The following PKD1 variants were observed in gnomAD, a reference collection of about 807,000 sequenced individuals.
PKD1 encodes polycystin-1.
Under a neutral mutation model 361.7 loss-of-function variants are expected in PKD1, and 81 were observed. That is an observed-to-expected ratio of 0.22 (90% CI 0.19 to 0.27). The LOEUF is 0.27. PKD1 is among the 10% of genes least tolerant of loss of function. The pLI is 1.00. For synonymous variants in PKD1, 3,615 were observed against 2,818.3 expected (o/e 1.28, Z -8.95); for missense variants, 6,399 against 6,118.3 (o/e 1.05, Z -1.53).
intron 34 of PKD1, chr16:2,096,809 G>A (rs2091866698): frequency 8.5e-6 from 3 of 354,408 alleles, no homozygotes; most frequent in Non-Finnish European, 1.6e-5. Context: ...GAGCCACCGC[G>A]CCCGGCCAAA....
Position 2,099,660 on chromosome 16 carries a change from C to T in PKD1, c.10034G>A (p.Arg3345Gln), listed in dbSNP as rs956410708. ...CCAGCCCACCTTGCTCCGGGACATC[C>T]GGAAGAGAAAAAGGATGGCCAGGTA... Reference protein sequence around the residue: ...PVYLAILFLFRMSRSKVAGSP... With the variant: ...PVYLAILFLFQMSRSKVAGSP... Residue 3345 changes from arginine to glutamine, a missense_variant, in exon 30 of 46, where the codon CGG becomes CAG. Arg to Gln is a conservative substitution (Grantham distance 43). Coordinates refer to ENST00000262304, the MANE Select transcript of PKD1 (RefSeq NM_001009944.3). The T allele has an allele frequency of 6.9e-6, 11 of 1,592,746 alleles. No homozygotes were observed. Among genetic ancestry groups the T allele is most frequent in the Admixed American group, 1.7e-5 (1 of 59,526 alleles).
At chr16:2,121,931 C>T (rs2549673) in intron 1 of PKD1, among the ~76,000 whole-genome samples, 6 of 152,224 alleles carry the variant, frequency 3.9e-5, no homozygotes, top group Admixed American at 6.5e-5. Context: ...CAAGCCGGGG[C>T]GGCCTCCATC....
rs555453899 is a variant in PKD1, at chr16:2,089,376, C to A, written c.*351G>T. 637 of 399,422 alleles carry A rather than the reference C, an allele frequency of 1.6e-3. 2 individuals are homozygous for A. Among genetic ancestry groups the A allele is most frequent in the African/African-American group, 0.012 (592 of 49,662 alleles). 24.7% of individuals were successfully genotyped at this position (399,422 alleles called of 1,614,324 possible). A position where few individuals can be genotyped will look rare whatever the true frequency, so the allele number is the denominator to read the frequency against. On this transcript the variant is annotated 3_prime_UTR_variant, in exon 46 of 46. Transcript: ENST00000262304. ...AGGGTGGCGGCGGTGCAGGCTAACCCTCCCTGAAGCCAGCAGCCTTAGCAG... is the reference window on the plus strand; with the variant it reads ...AGGGTGGCGGCGGTGCAGGCTAACCATCCCTGAAGCCAGCAGCCTTAGCAG...
chr16:2,111,548 G>C lies in PKD1; in HGVS notation c.3619C>G (p.Arg1207Gly), dbSNP rs777331724. The C allele has an allele frequency of 6.3e-7, 1 of 1,593,984 alleles. No individual in the cohort carries two copies. Among genetic ancestry groups the C allele is most frequent in the Non-Finnish European group, 8.5e-7 (1 of 1,171,348 alleles). ...VSGAAAQADV[R>G]VFEELRGLSV... ...AGTCCGCGGAGCTCCTCAAAGACGCGCACATCCGCCTGGGCCGCCGCACCG... is the reference window on the plus strand; with the variant it reads ...AGTCCGCGGAGCTCCTCAAAGACGCCCACATCCGCCTGGGCCGCCGCACCG... The change falls in exon 15 of 46, where the codon CGC becomes GGC. Residue 1207 changes from arginine (R) to glycine (G), a missense_variant. Physicochemically the swap from Arg to Gly is moderately radical, Grantham distance 125. Coordinates refer to ENST00000262304, the MANE Select transcript of PKD1 (RefSeq NM_001009944.3).
rs375951541 is a variant in PKD1 at position 2,102,806 on chromosome 16, G to C, written c.8948+8C>G. 1 of 1,609,862 alleles carries C rather than the reference G, an allele frequency of 6.2e-7. No homozygotes were observed. The stretch of plus-strand genomic sequence containing the variant: ...CCCTGCCCTGCCAGGCTGGCCCGCA[G>C]AGCTCACCCCGGGGAAATGAAGAAG... On this transcript the variant is annotated splice_region_variant and intron_variant, in intron 24 of 45. Transcript: ENST00000262304.
Position 2,106,063 on chromosome 16 carries a change from G to A in PKD1, c.7703+28C>T, listed in dbSNP as rs201247523. On this transcript the variant is annotated intron_variant, in intron 19 of 45. Coordinates refer to ENST00000262304, the MANE Select transcript of PKD1 (RefSeq NM_001009944.3). This position sits in a 1 kb window ranked among gnomAD's most constrained non-coding sequence, Gnocchi z 6.5. ...GGGGTGGTGAGCAGGTGGCAGTCTC[G>A]GGGGCGCCCTCCCACGGCCTGGCTC... is the stretch of plus-strand genomic sequence containing the variant. 3.2e-5 allele frequency: 51 copies of A among 1,606,166 alleles called. No individual in the cohort carries two copies. The highest frequency in any genetic ancestry group is 2.3e-4 in the Middle Eastern group (1 of 4,416).
rs1240952631 is a variant in PKD1 at position 2,106,045 on chromosome 16, T to C, written c.7704-21A>G. 6.2e-7 allele frequency: 1 copy of C among 1,606,646 alleles called. No homozygotes were observed. The highest frequency in any genetic ancestry group is 8.5e-7 in the Non-Finnish European group (1 of 1,178,704). On this transcript the variant is annotated intron_variant, in intron 19 of 45. Coordinates refer to ENST00000262304, the MANE Select transcript of PKD1 (RefSeq NM_001009944.3). The surrounding 1 kb of genome is among the most constrained non-coding windows in gnomAD (Gnocchi z 6.5). The stretch of plus-strand genomic sequence containing the variant: ...AAGACCTACGAGCAGAGGGGGGTGG[T>C]GAGCAGGTGGCAGTCTCGGGGGCGC...
At position 2,088,791 on chromosome 16, in the gene PKD1, CCACAGAAGTGGTA is replaced by C. The variant is rs2091255284; in HGVS notation, c.*923_*935del. ...GTCGAGGCTCTAGAAGCGGCCATGC[CCACAGAAGTGGTA>C]CACAGAAGCAGGCACAGCCAGCTCC... On this transcript the variant is annotated 3_prime_UTR_variant, in exon 46 of 46. Coordinates refer to ENST00000262304, the MANE Select transcript of PKD1 (RefSeq NM_001009944.3). The C allele has an allele frequency of 8.5e-6, 7 of 821,536 alleles. No homozygotes were observed. Among genetic ancestry groups the C allele is most frequent in the South Asian group, 3.6e-5 (2 of 55,902 alleles). The allele number at this position is 821,536 out of a possible 1,614,324, so 50.9% of individuals were successfully genotyped here. A position where few individuals can be genotyped will look rare whatever the true frequency, so the allele number is the denominator to read the frequency against.
intron 23 of PKD1, 145 bp from the exon 24 acceptor site, chr16:2,103,115 G>A (rs575280269): frequency 7.8e-5 from 99 of 1,268,966 alleles, no homozygotes; most frequent in African/African-American, 4.7e-4. Context: ...CTGCTTCTCC[G>A]TGGCCCCCAG....
intron 11 of PKD1, chr16:2,113,912 G>A (rs926415386): frequency 8.8e-6 from 5 of 566,924 alleles, no homozygotes; most frequent in East Asian, 3.0e-5. Context: ...GTGAGGTCAG[G>A]GAGCAGAGTT....
rs62038819 is a variant in PKD1, at chr16:2,106,598, C to T, written c.7289G>A (p.Arg2430Gln). ...TTTSTGSAGM[R>Q]LVLRRGVLRD... Reference sequence around the variant, plus strand: ...CAGCACGCCCCGCCGCAGCACCAGTCGCATGCCTGCACTGCCCGTGGATGT... The same window carrying T: ...CAGCACGCCCCGCCGCAGCACCAGTTGCATGCCTGCACTGCCCGTGGATGT... Residue 2430 changes from arginine to glutamine, a missense_variant, in exon 18 of 46, where the codon CGA (arginine) becomes CAA (glutamine). By Grantham distance (43) the Arg-to-Gln change is conservative (BLOSUM62 1). Coordinates refer to ENST00000262304, the MANE Select transcript of PKD1 (RefSeq NM_001009944.3). The surrounding 1 kb of genome is among the most constrained non-coding windows in gnomAD (Gnocchi z 6.5). 2.3e-5 allele frequency: 37 copies of T among 1,598,286 alleles called. No homozygotes were observed. Among genetic ancestry groups the T allele is most frequent in the Middle Eastern group, 2.2e-4 (1 of 4,450 alleles).
At chr16:2,121,037 AAAAG>A (rs1481413820) in intron 1 of PKD1, among the ~76,000 whole-genome samples, 2 of 151,884 alleles carry the variant, frequency 1.3e-5, no homozygotes, top group African/African-American at 2.4e-5. Flanking sequence ...AAAAGAAAAG[AAAAG>A]AAAGAAAGGG....
In PKD1 at chr16:2,091,438, C is replaced by T; in HGVS notation, c.11697G>A (p.Leu3899=). Residue 3899 remains leucine, a synonymous_variant, in exon 42 of 46, where the codon CTG becomes CTA. Transcript: ENST00000262304. ...ACGGGCGTACCGAGGTGAGCAGAGG[C>T]AGCGAGAGGCCCGCGCTGAGGCGGC... ...ALRRLSAGLS[L]PLLTSVCLLL... 1.7e-6 allele frequency: 2 copies of T among 1,190,506 alleles called. No individual in the cohort carries two copies. The highest frequency in any genetic ancestry group is 1.0e-6 in the Non-Finnish European group (1 of 959,520). 73.7% of individuals were successfully genotyped at this position (1,190,506 alleles called of 1,614,324 possible). A position where few individuals can be genotyped will look rare whatever the true frequency, so the allele number is the denominator to read the frequency against.
Position 2,108,645 on chromosome 16 carries a change from G to A in PKD1, c.6522C>T (p.Asp2174=), listed in dbSNP as rs770229371. The change falls in exon 15 of 46, where the codon GAC becomes GAT. Residue 2174 remains aspartate (D), a synonymous_variant. Coordinates refer to ENST00000262304, the MANE Select transcript of PKD1 (RefSeq NM_001009944.3). ...SQRNYLEAHV[D]LRDCVTYQTE... Reference sequence around the variant, plus strand: ...TCTGGTAGGTGACGCAGTCGCGCAGGTCAACGTGGGCCTCCAAGTAGTTGC... The same window carrying A: ...TCTGGTAGGTGACGCAGTCGCGCAGATCAACGTGGGCCTCCAAGTAGTTGC... The A allele has an allele frequency of 1.2e-5, 19 of 1,561,858 alleles. No individual in the cohort carries two copies. The highest frequency in any genetic ancestry group is 1.1e-4 in the South Asian group (9 of 85,256).
At chr16:2,121,477 A>G (rs1461439464) in intron 1 of PKD1, among the ~76,000 whole-genome samples, 3 of 152,218 alleles carry the variant, frequency 2.0e-5, no homozygotes, top group Non-Finnish European at 4.4e-5. Flanking sequence ...AAGAAGCACA[A>G]TTGGTCACAG....
At position 2,111,571 on chromosome 16, in the gene PKD1, C is replaced by G. The variant is rs1180647690; in HGVS notation, c.3596G>C (p.Gly1199Ala). The G allele has an allele frequency of 6.3e-6, 10 of 1,577,946 alleles. No individual in the cohort carries two copies. The highest frequency in any genetic ancestry group is 1.1e-5 in the South Asian group (1 of 87,330). The change falls in exon 15 of 46, where the codon GGT becomes GCT. Residue 1199 changes from glycine to alanine, a missense_variant. Physicochemically the swap from Gly to Ala is moderately conservative, Grantham distance 60 (BLOSUM62 0). Coordinates refer to ENST00000262304, the MANE Select transcript of PKD1 (RefSeq NM_001009944.3). ...GCGCACATCCGCCTGGGCCGCCGCA[C>G]CGCTCACCGTGTTGTTGACCTCCAG... ...VRLEVNNTVS[G>A]AAAQADVRVF...
Position 2,088,716 on chromosome 16 carries a change from A to AGAC in PKD1, c.*1008_*1010dup, listed in dbSNP as rs1346768812. ...AGACATAGAGGCACAGATTGCAGTC[A>AGAC]GACAGCTCTTTTATTGACTTTGTCT... On this transcript the variant is annotated 3_prime_UTR_variant, in exon 46 of 46. Coordinates refer to ENST00000262304, the MANE Select transcript of PKD1 (RefSeq NM_001009944.3). The AGAC allele has an allele frequency of 7.0e-7, 1 of 1,431,532 alleles. No homozygotes were observed. The allele number at this position is 1,431,532 out of a possible 1,614,324, so 88.7% of individuals were successfully genotyped here.
At chr16:2,092,397 G>A (rs1245215694) in intron 39 of PKD1, 83 bp downstream of exon 39, 4 of 1,060,836 alleles carry the variant, frequency 3.8e-6, no homozygotes, top group Non-Finnish European at 4.3e-6. Context: ...CTAGGGAGCA[G>A]GGCTGATGCC....
chr16:2,097,734 G>A lies in PKD1; in HGVS notation c.10214C>T (p.Ser3405Phe), dbSNP rs1304784564. ...GTTTCTCTAGGGAACCCACCTCTTAGAATCATCCAGAAACAAGTCACTCTT... is the reference window on the plus strand; with the variant it reads ...GTTTCTCTAGGGAACCCACCTCTTAAAATCATCCAGAAACAAGTCACTCTT... Reference protein sequence around the residue: ...QMKSDLFLDDSKSLVCWPSGE... With the variant: ...QMKSDLFLDDFKSLVCWPSGE... The change falls in exon 32 of 46, where the codon TCT (serine) becomes TTT (phenylalanine). Residue 3405 changes from serine (S) to phenylalanine (F), a missense_variant. By Grantham distance (155) the Ser-to-Phe change is radical. Coordinates refer to ENST00000262304, the MANE Select transcript of PKD1 (RefSeq NM_001009944.3). 2 of 1,611,116 alleles carry A rather than the reference G, an allele frequency of 1.2e-6. No individual in the cohort carries two copies. The highest frequency in any genetic ancestry group is 2.3e-4 in the Middle Eastern group (1 of 4,430).
Sources: allele counts gnomAD v4.1 joint callset (sites outside exome capture counted in the v4.1 genomes callset), GRCh38; gene constraint gnomAD v4.1.1; non-coding constraint Gnocchi (gnomAD v3.1); transcripts MANE v1.5; gene names NCBI Gene and HGNC (gene_info 2026-07-23, HGNC 2026-07-21).